Variants in LARP1B observed in about 807,000 individuals in gnomAD.
LARP1B encodes the protein La ribonucleoprotein 1B.
LARP1B carries 76 observed loss-of-function variants against 114.2 expected under a neutral mutation model. That is an observed-to-expected ratio of 0.67 (90% CI 0.55 to 0.81). LARP1B has a LOEUF of 0.81. Ranked by LOEUF, LARP1B falls within the 30% of genes least tolerant of loss-of-function variation. LARP1B has a pLI of 0.00. For synonymous variants in LARP1B, 345 were observed against 348.0 expected (o/e 0.99, Z 0.10); for missense variants, 1,014 against 1,075.8 (o/e 0.94, Z 0.80).
At chr4:128,166,964 C>CTATA (rs1415332322) in intron 12 of LARP1B, among the ~76,000 whole-genome samples, 14 of 96,656 alleles carry the variant, frequency 1.4e-4, no homozygotes, top group African/African-American at 5.6e-4. Context: ...CTCTCTCTCT[C>CTATA]TCTCTCTATA....
intron 1 of LARP1B, among the ~76,000 whole-genome samples, chr4:128,065,907 C>G (rs1579654045): frequency 6.6e-6 from 1 of 152,090 alleles, no homozygotes; most frequent in African/African-American, 2.4e-5. Flanking sequence ...CCTTGACCTC[C>G]TGGACTCAAG....
intron 11 of LARP1B, among the ~76,000 whole-genome samples, chr4:128,124,662 C>T (rs1173978823): frequency 6.6e-6 from 1 of 152,104 alleles, no homozygotes; most frequent in Non-Finnish European, 1.5e-5. Context: ...ATGGATTGTA[C>T]AGGGACAAGA....
chr4:128,194,682 C>CAAAAAA (rs56843140), intron 15 of LARP1B, among the ~76,000 whole-genome samples: 2 of 25,902 alleles, frequency 7.7e-5, no homozygotes, highest in African/African-American at 1.8e-4. Context: ...GACTCTGTCT[C>CAAAAAA]AAAAAAAAAA....
At chr4:128,077,301 C>A in intron 3 of LARP1B, among the ~76,000 whole-genome samples, 1 of 151,662 alleles carries the variant, frequency 6.6e-6, no homozygotes, top group Non-Finnish European at 1.5e-5. Flanking sequence ...AGTTCGAGAC[C>A]AGCCTGACCA....
rs367618443 is a variant in LARP1B, at chr4:128,199,467, G to A, written c.2032G>A (p.Ala678Thr). ...STSNASPSEG[A>T]PLAGSYGCTP... ...TTCAAATGCTTCACCTTCAGAAGGC[G>A]CACCACTAGCAGGAAGTTATGGATG... The change falls in exon 16 of 20, where the codon GCA (alanine) becomes ACA (threonine). Residue 678 changes from alanine (A) to threonine (T), a missense_variant. Physicochemically the swap from Ala to Thr is moderately conservative, Grantham distance 58 (BLOSUM62 0). Coordinates refer to ENST00000326639, the MANE Select transcript of LARP1B (RefSeq NM_018078.4). The A allele has an allele frequency of 1.7e-5, 27 of 1,562,520 alleles. No individual in the cohort carries two copies. Among genetic ancestry groups the A allele is most frequent in the Non-Finnish European group, 2.3e-5 (27 of 1,152,550 alleles).
intron 5 of LARP1B, among the ~76,000 whole-genome samples, chr4:128,090,026 G>T (rs1775299648): frequency 6.7e-6 from 1 of 149,918 alleles, no homozygotes; most frequent in Non-Finnish European, 1.5e-5. Flanking sequence ...GCCTGTCTCA[G>T]CCTACCAAAG....
chr4:128,086,575 A>G (rs1773658506), intron 5 of LARP1B, among the ~76,000 whole-genome samples: 1 of 151,842 alleles, frequency 6.6e-6, no homozygotes, highest in Non-Finnish European at 1.5e-5. Context: ...GCGATCTTCC[A>G]GCATCAGCCT....
At chr4:128,137,080 A>T (rs1725650712) in intron 11 of LARP1B, among the ~76,000 whole-genome samples, 1 of 152,220 alleles carries the variant, frequency 6.6e-6, no homozygotes, top group African/African-American at 2.4e-5. Flanking sequence ...ATAGGCTTAA[A>T]TGCAAATATT....
rs1283810187 is a variant in LARP1B at position 128,121,968 on chromosome 4, A to G, written c.1304A>G (p.Asp435Gly). The G allele has an allele frequency of 6.2e-7, 1 of 1,612,914 alleles. No homozygotes were observed. ...KNTFTDWSDN[D>G]SDYEIDDQDL... ...ACATTTACTGATTGGTCTGATAATG[A>G]TTCAGATTATGAAATTGATGACCAA... Residue 435 changes from aspartate (D) to glycine (G), a missense_variant, in exon 11 of 20, where the codon GAT (aspartate) becomes GGT (glycine). Transcript: ENST00000326639.
intron 5 of LARP1B, among the ~76,000 whole-genome samples, chr4:128,089,861 C>T (rs908776605): frequency 1.8e-4 from 27 of 151,810 alleles, no homozygotes; most frequent in Admixed American, 1.2e-3. Context: ...ACCTCCGCCT[C>T]CCAGGTTCAA....
chr4:128,091,320 C>T, intron 6 of LARP1B, 27 bp from the exon 7 acceptor site: 1 of 1,584,888 alleles, frequency 6.3e-7, no homozygotes, highest in Non-Finnish European at 8.6e-7. Flanking sequence ...TATGTGATTA[C>T]CTTTCTTTTT....
intron 1 of LARP1B, among the ~76,000 whole-genome samples, chr4:128,065,266 T>TTTCTTTCTTTCC (rs1762059762): frequency 1.1e-5 from 1 of 92,356 alleles, no homozygotes; most frequent in Admixed American, 1.2e-4. Flanking sequence ...TCTTTCTTTC[T>TTTCTTTCTTTCC]TTCTTTCTTT....
intron 3 of LARP1B, 119 bp from the exon 4 acceptor site, chr4:128,077,669 T>G: frequency 9.2e-7 from 1 of 1,089,088 alleles, no homozygotes; most frequent in South Asian, 2.4e-5. Context: ...TTTTTTGCCT[T>G]TGATAACAGT....
chr4:128,144,149 A>G (rs931367473), intron 11 of LARP1B, among the ~76,000 whole-genome samples: 1 of 152,148 alleles, frequency 6.6e-6, no homozygotes. Flanking sequence ...TGTATGGTGG[A>G]GGTGTGGACA....
intron 11 of LARP1B, among the ~76,000 whole-genome samples, chr4:128,157,634 A>T (rs1468051401): frequency 6.6e-6 from 1 of 152,170 alleles, no homozygotes; most frequent in Non-Finnish European, 1.5e-5. Context: ...TTCTCAGTAG[A>T]AATAATGGAG....
intron 11 of LARP1B, chr4:128,155,711 GCCGAGTAAGGC>G: frequency 6.2e-7 from 1 of 1,607,222 alleles, no homozygotes; most frequent in Non-Finnish European, 8.5e-7. Context: ...GAGGAGCGCC[GCCGAGTAAGGC>G]CCGAGCGGAA....
In LARP1B at chr4:128,211,320, A is replaced by G. The variant is rs1561588533; in HGVS notation, c.*1267A>G. Reference sequence around the variant, plus strand: ...GTATTGGCAAAAGCAAGTGGTTTCCATATGCTAAATTAATTGTATTTTCTT... The same window carrying G: ...GTATTGGCAAAAGCAAGTGGTTTCCGTATGCTAAATTAATTGTATTTTCTT... On this transcript the variant is annotated 3_prime_UTR_variant, in exon 20 of 20. Transcript: ENST00000326639. 4 of 970,482 alleles carry G rather than the reference A, an allele frequency of 4.1e-6. No individual in the cohort carries two copies. The highest frequency in any genetic ancestry group is 1.1e-4 in the East Asian group (1 of 8,758). The allele number at this position is 970,482 out of a possible 1,614,324, so 60.1% of individuals were successfully genotyped here.
chr4:128,213,258 ATTTAATCAT>A (rs1264249304), downstream of LARP1B, among the ~76,000 whole-genome samples: 7 of 151,948 alleles, frequency 4.6e-5, no homozygotes, highest in Admixed American at 2.6e-4. Context: ...ATTTTAAATG[ATTTAATCAT>A]TTTAATCATT....
chr4:128,070,684 C>G (rs896122908), intron 1 of LARP1B, among the ~76,000 whole-genome samples: 12 of 151,666 alleles, frequency 7.9e-5, no homozygotes, highest in Admixed American at 7.9e-4. Context: ...CTTAGGATGA[C>G]CGGCTGTAGT....
Sources: allele counts gnomAD v4.1 joint callset (sites outside exome capture counted in the v4.1 genomes callset), GRCh38; gene constraint gnomAD v4.1.1; transcripts MANE v1.5; gene names NCBI Gene and HGNC (gene_info 2026-07-23, HGNC 2026-07-21).